The following PLEKHO2 variants were observed in gnomAD, a reference collection of about 807,000 sequenced individuals.
PLEKHO2 encodes the protein pleckstrin homology domain containing O2.
PLEKHO2 carries 20 observed loss-of-function variants against 32.7 expected under a neutral mutation model. The ratio of observed to expected loss-of-function variants is 0.61; its 90% CI spans 0.43 to 0.89. PLEKHO2 has a LOEUF of 0.89. PLEKHO2 is among the 40% of genes least tolerant of loss of function. The pLI is 0.00. For missense variants in PLEKHO2, 568 were observed against 621.2 expected (o/e 0.91, Z 0.91); for synonymous variants, 247 against 246.3 (o/e 1.00, Z -0.03).
intron 4 of PLEKHO2, 92 bp downstream of exon 4, chr15:64,860,090 C>A: frequency 1.8e-6 from 2 of 1,107,338 alleles, no homozygotes; most frequent in South Asian, 1.3e-5. Context: ...TTACCCCAGA[C>A]TACCCCTTGA....
At chr15:64,849,407 A>G (rs948231708) in intron 2 of PLEKHO2, among the ~76,000 whole-genome samples, 1 of 150,066 alleles carries the variant, frequency 6.7e-6, no homozygotes, top group Non-Finnish European at 1.5e-5. Flanking sequence ...TGGCCTCCCA[A>G]AGTGCTGGGA....
intron 1 of PLEKHO2, among the ~76,000 whole-genome samples, chr15:64,846,748 G>A (rs2140338303): frequency 6.6e-6 from 1 of 152,322 alleles, no homozygotes; most frequent in South Asian, 2.1e-4. Flanking sequence ...CTATAGACCA[G>A]AAAGGGCTTG....
At chr15:64,845,944 G>C (rs925230316) in intron 1 of PLEKHO2, among the ~76,000 whole-genome samples, 18 of 152,190 alleles carry the variant, frequency 1.2e-4, no homozygotes. Context: ...ACACTCCACA[G>C]ACCTCACTGC....
At chr15:64,844,207 T>TCCCCC (rs1421130443) in intron 1 of PLEKHO2, among the ~76,000 whole-genome samples, 2 of 152,206 alleles carry the variant, frequency 1.3e-5, no homozygotes, top group East Asian at 1.9e-4. Flanking sequence ...TTCAGCTTCC[T>TCCCCC]CCCTGTGCCC....
At chr15:64,855,364 C>T (rs2140342098) in intron 3 of PLEKHO2, among the ~76,000 whole-genome samples, 1 of 152,270 alleles carries the variant, frequency 6.6e-6, no homozygotes, top group South Asian at 2.1e-4. Flanking sequence ...TACCCCAGAC[C>T]CTGGGGGAGG....
chr15:64,865,312 T>C lies in PLEKHO2; in HGVS notation c.897T>C (p.Ser299=). The C allele has an allele frequency of 9.3e-6, 15 of 1,613,718 alleles. No homozygotes were observed. The highest frequency in any genetic ancestry group is 1.2e-5 in the Non-Finnish European group (14 of 1,179,732). ...EPSQAPCSET[S]EAAPREGGKP... ...CCCAGGCACCCTGTTCTGAGACTTC[T>C]GAGGCTGCCCCCAGGGAGGGTGGGA... The change falls in exon 6 of 6, where the codon TCT becomes TCC. Residue 299 remains serine, a synonymous_variant. Transcript: ENST00000323544.
At position 64,867,598 on chromosome 15, in the gene PLEKHO2, T is replaced by G. The variant is rs3183338; in HGVS notation, c.*1710T>G. 28,677 of 152,208 alleles carry G rather than the reference T, an allele frequency of 0.19. 3,720 individuals are homozygous for G. Among genetic ancestry groups the G allele is most frequent in the East Asian group, 0.76 (3,913 of 5,154 alleles). 9.4% of individuals were successfully genotyped at this position (152,208 alleles called of 1,614,324 possible). ...ACCAGCAGCCATGGCTGGCTGGGGC[T>G]TTAGCCAAGCCACCTACTGCCAGGA... On this transcript the variant is annotated 3_prime_UTR_variant, in exon 6 of 6. Transcript: ENST00000323544.
Position 64,865,381 on chromosome 15 carries a change from A to C in PLEKHO2, c.966A>C (p.Lys322Asn). The stretch of plus-strand genomic sequence containing the variant: ...CCAAGATCTTATCAGAGAAACTGAA[A>C]GCCTCCATGGGTGAGATGCAGGCTT... ...PPPKILSEKL[K>N]ASMGEMQASG... Residue 322 changes from lysine (K) to asparagine (N), a missense_variant, in exon 6 of 6, where the codon AAA (lysine) becomes AAC (asparagine). Coordinates refer to ENST00000323544, the MANE Select transcript of PLEKHO2 (RefSeq NM_025201.5). 6.2e-7 allele frequency: 1 copy of C among 1,613,700 alleles called. No individual in the cohort carries two copies. Among genetic ancestry groups the C allele is most frequent in the East Asian group, 2.2e-5 (1 of 44,872 alleles).
chr15:64,864,231 T>G (rs1179330360), intron 5 of PLEKHO2, among the ~76,000 whole-genome samples: 1 of 150,874 alleles, frequency 6.6e-6, no homozygotes, highest in Non-Finnish European at 1.5e-5. Flanking sequence ...CTGGTGGGGG[T>G]GGGTAGCTGC....
chr15:64,866,255 A>AG lies in PLEKHO2; in HGVS notation c.*368dup. ...ATCATCTCTGTTCCCCATCCCCAGT[A>AG]GTTTACATTCCTGACTTCTGAATAC... is the stretch of plus-strand genomic sequence containing the variant. On this transcript the variant is annotated 3_prime_UTR_variant, in exon 6 of 6. Coordinates refer to ENST00000323544, the MANE Select transcript of PLEKHO2 (RefSeq NM_025201.5). 4.3e-6 allele frequency: 2 copies of AG among 459,830 alleles called. No individual in the cohort carries two copies. The highest frequency in any genetic ancestry group is 3.2e-5 in the South Asian group (2 of 62,040). 28.5% of individuals were successfully genotyped at this position (459,830 alleles called of 1,614,324 possible).
At chr15:64,853,485 G>A (rs989209725) in intron 2 of PLEKHO2, among the ~76,000 whole-genome samples, 1 of 151,800 alleles carries the variant, frequency 6.6e-6, no homozygotes, top group Non-Finnish European at 1.5e-5. Flanking sequence ...TAGTAGAGAT[G>A]GGGTTTCACT....
In PLEKHO2 at chr15:64,855,045, G is replaced by A. The variant is rs899740162; in HGVS notation, c.279+8G>A. ...CGATCCCCAGGGAACAAGGTAGGGC[G>A]ATGCCTGCTGCTGCCCCATCTCCCT... On this transcript the variant is annotated splice_region_variant and intron_variant, in intron 3 of 5. Transcript: ENST00000323544. The A allele has an allele frequency of 2.6e-6, 4 of 1,566,400 alleles. No homozygotes were observed. Among genetic ancestry groups the A allele is most frequent in the African/African-American group, 2.7e-5 (2 of 74,214 alleles).
At position 64,861,658 on chromosome 15, in the gene PLEKHO2, A is replaced by G; in HGVS notation, c.483+83A>G. Reference sequence around the variant, plus strand: ...CTGGGCGGCAGCCAGGCTTGGGGCCACATTTTTCCTGAGGACACCTGGAGC... The same window carrying G: ...CTGGGCGGCAGCCAGGCTTGGGGCCGCATTTTTCCTGAGGACACCTGGAGC... On this transcript the variant is annotated intron_variant, in intron 5 of 5. Coordinates refer to ENST00000323544, the MANE Select transcript of PLEKHO2 (RefSeq NM_025201.5). 7.6e-6 allele frequency: 9 copies of G among 1,186,978 alleles called. No individual in the cohort carries two copies. In the South Asian group the frequency reaches 9.6e-5, roughly 13 times the overall value. 73.5% of individuals were successfully genotyped at this position (1,186,978 alleles called of 1,614,324 possible).
At chr15:64,854,158 C>T (rs556007524) in intron 2 of PLEKHO2, among the ~76,000 whole-genome samples, 1 of 152,268 alleles carries the variant, frequency 6.6e-6, no homozygotes, top group South Asian at 2.1e-4. Flanking sequence ...ATGGGTGGAG[C>T]CTGTGGAGAA....
chr15:64,844,623 C>G (rs1247671130), intron 1 of PLEKHO2, among the ~76,000 whole-genome samples: 1 of 152,164 alleles, frequency 6.6e-6, no homozygotes, highest in Non-Finnish European at 1.5e-5. Flanking sequence ...AGTACTGTTT[C>G]TGTCCCACGG....
At chr15:64,858,984 G>C (rs1401387183) in intron 3 of PLEKHO2, among the ~76,000 whole-genome samples, 1 of 152,086 alleles carries the variant, frequency 6.6e-6, no homozygotes, top group Non-Finnish European at 1.5e-5. Context: ...CTATGATTTT[G>C]ACAACTCTAG....
chr15:64,853,539 C>G (rs1316642264), intron 2 of PLEKHO2, among the ~76,000 whole-genome samples: 1 of 152,054 alleles, frequency 6.6e-6, no homozygotes, highest in Non-Finnish European at 1.5e-5. Flanking sequence ...CGTGATCTGC[C>G]CGCCTCGGCC....
Position 64,842,046 on chromosome 15 carries a change from C to T in PLEKHO2, c.12+18C>T. On this transcript the variant is annotated intron_variant, in intron 1 of 5. Coordinates refer to ENST00000323544, the MANE Select transcript of PLEKHO2 (RefSeq NM_025201.5). ...AGGAGGAGGTGAGGGCGGGGCCCGG[C>T]GGGGCGTTGGGCTGGGGTCCTCGAG... The T allele has an allele frequency of 8.1e-7, 1 of 1,238,944 alleles. No individual in the cohort carries two copies. Among genetic ancestry groups the T allele is most frequent in the Non-Finnish European group, 1.0e-6 (1 of 991,000 alleles). 76.7% of individuals were successfully genotyped at this position (1,238,944 alleles called of 1,614,324 possible). A position where few individuals can be genotyped will look rare whatever the true frequency, so the allele number is the denominator to read the frequency against.
chr15:64,842,378 C>CTGTGTGTGTGTG (rs777446391), intron 1 of PLEKHO2, among the ~76,000 whole-genome samples: 5 of 22,632 alleles, frequency 2.2e-4, no homozygotes, highest in South Asian at 2.5e-3. Context: ...GATCCTGACT[C>CTGTGTGTGTGTG]TCTCTCTCTC....
Sources: gnomAD v4.1 joint callset for allele counts (sites outside exome capture counted in the v4.1 genomes callset) on GRCh38, gnomAD v4.1.1 for gene constraint, MANE v1.5 for transcripts, NCBI Gene and HGNC (gene_info 2026-07-23, HGNC 2026-07-21) for gene names.